The following CLMP variants were observed in gnomAD, a reference collection of about 807,000 sequenced individuals.
CLMP encodes CXADR like cell adhesion molecule, also known as CXADR-like membrane protein.
In CLMP, 27 loss-of-function variants were observed where a neutral mutation model predicts 45.2. That is an observed-to-expected ratio of 0.60 (90% CI 0.44 to 0.82). The LOEUF is 0.82. Among genes scored for constraint, CLMP ranks in the 40% least tolerant of loss-of-function variants. The pLI is 0.00. For missense variants in CLMP, 403 were observed against 448.4 expected (o/e 0.90, Z 0.91); for synonymous variants, 167 against 171.4 (o/e 0.97, Z 0.20).
intron 1 of CLMP, among the ~76,000 whole-genome samples, chr11:123,125,766 G>T (rs1860885226): frequency 6.6e-6 from 1 of 151,462 alleles, no homozygotes; most frequent in African/African-American, 2.4e-5. Context: ...ACCACGCCTG[G>T]CTAATTTTTT....
chr11:123,090,159 C>T (rs529212809), intron 2 of CLMP, among the ~76,000 whole-genome samples: 5 of 150,910 alleles, frequency 3.3e-5, no homozygotes, highest in South Asian at 2.1e-4. Context: ...TTTGAAAAAA[C>T]GCTAGGCTGG....
chr11:123,171,027 C>A (rs1861625795), intron 1 of CLMP, among the ~76,000 whole-genome samples: 2 of 152,160 alleles, frequency 1.3e-5, no homozygotes, highest in South Asian at 4.1e-4. Flanking sequence ...AGGGTATGAG[C>A]AAGGTCTCTG....
In CLMP at chr11:123,183,677, G is replaced by A. The variant is rs1024568193; in HGVS notation, c.28+11236C>T. ...AGGACATGGGCAAACAGGATGCTTGGTCACTGTATGCGTGAAACAAATCTC... is the reference window on the plus strand; with the variant it reads ...AGGACATGGGCAAACAGGATGCTTGATCACTGTATGCGTGAAACAAATCTC... On this transcript the variant is annotated intron_variant, in intron 1 of 6. Coordinates refer to ENST00000448775, the MANE Select transcript of CLMP (RefSeq NM_024769.5). Among the ~76,000 whole-genome samples the A allele has an allele frequency of 9.9e-5, 15 of 152,274 alleles. No individual in the cohort carries two copies. The East Asian group carries it at 2.9e-3, about 29-fold the overall frequency.
intron 1 of CLMP, among the ~76,000 whole-genome samples, chr11:123,157,475 C>T (rs1312787745): frequency 6.6e-6 from 1 of 152,278 alleles, no homozygotes; most frequent in East Asian, 1.9e-4. Flanking sequence ...ATCACTTGAA[C>T]CCAGGAGGCA....
At chr11:123,136,364 G>A (rs1213061065) in intron 1 of CLMP, 1 of 557,048 alleles carries the variant, frequency 1.8e-6, no homozygotes, top group Admixed American at 2.3e-5. Context: ...ATATTCTTGG[G>A]GAGCCGGGTT....
At chr11:123,131,126 A>T (rs1860981769) in intron 1 of CLMP, among the ~76,000 whole-genome samples, 1 of 152,124 alleles carries the variant, frequency 6.6e-6, no homozygotes, top group Non-Finnish European at 1.5e-5. Flanking sequence ...TACAGGCGTG[A>T]GCCACCGTGC....
At chr11:123,130,598 G>A (rs141464086) in intron 1 of CLMP, among the ~76,000 whole-genome samples, 2 of 152,244 alleles carry the variant, frequency 1.3e-5, no homozygotes, top group Middle Eastern at 3.4e-3. Flanking sequence ...TTCACTGGCA[G>A]GCACCCACTG....
intron 1 of CLMP, among the ~76,000 whole-genome samples, chr11:123,170,951 T>G (rs1028975061): frequency 1.2e-4 from 19 of 152,200 alleles, no homozygotes; most frequent in African/African-American, 4.3e-4. Context: ...CTTAGGATCA[T>G]ATGATCTTAT....
At chr11:123,099,234 G>A (rs1866026417) in intron 1 of CLMP, among the ~76,000 whole-genome samples, 2 of 152,178 alleles carry the variant, frequency 1.3e-5, no homozygotes, top group South Asian at 4.1e-4. Context: ...ATGTTCTTAA[G>A]TTATAGAGTC....
chr11:123,137,054 A>C (rs1370844207), intron 1 of CLMP, among the ~76,000 whole-genome samples: 1 of 151,512 alleles, frequency 6.6e-6, no homozygotes, highest in Non-Finnish European at 1.5e-5. Context: ...GTATGTTTCC[A>C]TTCAACCCTT....
intron 2 of CLMP, among the ~76,000 whole-genome samples, chr11:123,085,833 A>G (rs1022933646): frequency 6.7e-6 from 1 of 148,740 alleles, no homozygotes; most frequent in Non-Finnish European, 1.5e-5. Context: ...CTGGAGTACA[A>G]TGGTGCGATC....
At chr11:123,192,627 C>G (rs1383323424) in intron 1 of CLMP, among the ~76,000 whole-genome samples, 2 of 152,136 alleles carry the variant, frequency 1.3e-5, no homozygotes, top group African/African-American at 4.8e-5. Flanking sequence ...AGCTCCTTCT[C>G]TCTTCTCCAT....
At chr11:123,139,128 T>C (rs1311527464) in intron 1 of CLMP, among the ~76,000 whole-genome samples, 3 of 152,126 alleles carry the variant, frequency 2.0e-5, no homozygotes, top group African/African-American at 7.2e-5. Flanking sequence ...AGCAGCAGCA[T>C]TGAGTATTTG....
In CLMP at chr11:123,106,435, G is replaced by A. The variant is rs1049796031; in HGVS notation, c.29-8483C>T. Among the ~76,000 whole-genome samples, 28 of 96,602 alleles carry A rather than the reference G, an allele frequency of 2.9e-4. No homozygotes were observed. The South Asian group carries it at 4.0e-3, about 14-fold the overall frequency. 63.4% of individuals were successfully genotyped at this position (96,602 alleles called of 152,430 possible). A position where few individuals can be genotyped will look rare whatever the true frequency, so the allele number is the denominator to read the frequency against. ...TGTGTGTGTGTGTGTGCGCGCGCGC[G>A]CGCGCACGTGCCTGCCTTCCAGATT... On this transcript the variant is annotated intron_variant, in intron 1 of 6. Transcript: ENST00000448775.
chr11:123,159,401 G>A (rs1471229822), intron 1 of CLMP, among the ~76,000 whole-genome samples: 1 of 152,176 alleles, frequency 6.6e-6, no homozygotes, highest in Non-Finnish European at 1.5e-5. Context: ...GGTGCGGTGG[G>A]TGAGGAGGCT....
chr11:123,188,996 G>A (rs1861868237), intron 1 of CLMP: 2 of 152,132 alleles, frequency 1.3e-5, no homozygotes, highest in South Asian at 2.1e-4. Flanking sequence ...TGTCAGCAAG[G>A]GAAGCTCATG....
intron 2 of CLMP, among the ~76,000 whole-genome samples, chr11:123,090,062 C>G (rs942840388): frequency 3.3e-5 from 5 of 151,466 alleles, no homozygotes; most frequent in African/African-American, 1.2e-4. Context: ...GCACTCCAGC[C>G]TGGGCAACAA....
chr11:123,169,722 G>A (rs1565402611), intron 1 of CLMP, among the ~76,000 whole-genome samples: 1 of 152,184 alleles, frequency 6.6e-6, no homozygotes, highest in Non-Finnish European at 1.5e-5. Context: ...GACAACATAT[G>A]CTCAAGGTTG....
At chr11:123,161,791 T>C (rs574851998) in intron 1 of CLMP, among the ~76,000 whole-genome samples, 87 of 152,324 alleles carry the variant, frequency 5.7e-4, no homozygotes, top group African/African-American at 2.0e-3. Context: ...AGCATCACCA[T>C]CATCTGGTCA....
Sources: gnomAD v4.1 joint callset for allele counts (sites outside exome capture counted in the v4.1 genomes callset) on GRCh38, gnomAD v4.1.1 for gene constraint, MANE v1.5 for transcripts, NCBI Gene and HGNC (gene_info 2026-07-23, HGNC 2026-07-21) for gene names.